The following MAP3K9 variants were observed in gnomAD, a reference collection of about 807,000 sequenced individuals.
MAP3K9 encodes mitogen-activated protein kinase kinase kinase 9.
MAP3K9 carries 46 observed loss-of-function variants against 95.8 expected under a neutral mutation model. That is an observed-to-expected ratio of 0.48 (90% CI 0.38 to 0.61). MAP3K9 has a LOEUF of 0.61. Among genes scored for constraint, MAP3K9 ranks in the 20% least tolerant of loss-of-function variants. The probability of loss-of-function intolerance (pLI) is 0.00; values close to 1 mark genes in which losing one functional copy is unlikely to be tolerated. For missense variants in MAP3K9, 1,296 were observed against 1,474.3 expected (o/e 0.88, Z 1.98); for synonymous variants, 533 against 593.8 (o/e 0.90, Z 1.49).
chr14:70,779,147 A>G (rs1030573666), intron 2 of MAP3K9, among the ~76,000 whole-genome samples: 65 of 152,208 alleles, frequency 4.3e-4, no homozygotes, highest in African/African-American at 1.4e-3. Flanking sequence ...CATGAGGTAG[A>G]AAGGGAGAAG....
intron 2 of MAP3K9, among the ~76,000 whole-genome samples, chr14:70,790,413 A>C (rs2054794440): frequency 6.6e-6 from 1 of 152,130 alleles, no homozygotes; most frequent in African/African-American, 2.4e-5. Flanking sequence ...ACCTGTCCAA[A>C]CCCCTCATTT....
chr14:70,793,928 A>G (rs2054834244), intron 2 of MAP3K9, among the ~76,000 whole-genome samples: 1 of 152,208 alleles, frequency 6.6e-6, no homozygotes, highest in East Asian at 1.9e-4. Flanking sequence ...TTGAACTTGC[A>G]GCCATTAGAC....
In MAP3K9 at chr14:70,737,140, T is replaced by C. The variant is rs532478451; in HGVS notation, c.1844+1105A>G. Among the ~76,000 whole-genome samples, 69 of 152,314 alleles carry C rather than the reference T, an allele frequency of 4.5e-4. 1 individual carries two copies. Among genetic ancestry groups the C allele is most frequent in the African/African-American group, 1.7e-3 (69 of 41,574 alleles). On this transcript the variant is annotated intron_variant, in intron 8 of 11. Transcript: ENST00000554752. ...AACATCAAGAAACACTGTGCTAGCT[T>C]CTAACACCAAGAATATGAAGTATAA...
At position 70,736,062 on chromosome 14, in the gene MAP3K9, A is replaced by G. The variant is rs2053982550; in HGVS notation, c.1845-33T>C. ...GAATAAAGAGAATCAGTAGCAGGCA[A>G]TGGAGGGCACATCCAGCTCAGCCTC... On this transcript the variant is annotated intron_variant, in intron 8 of 11. Coordinates refer to ENST00000554752, the MANE Select transcript of MAP3K9 (RefSeq NM_001284230.2). The G allele has an allele frequency of 2.1e-6, 3 of 1,447,850 alleles. No individual in the cohort carries two copies. In the African/African-American group the frequency reaches 4.2e-5, roughly 20 times the overall value. 89.7% of individuals were successfully genotyped at this position (1,447,850 alleles called of 1,614,324 possible). A position where few individuals can be genotyped will look rare whatever the true frequency, so the allele number is the denominator to read the frequency against.
At chr14:70,788,773 A>G (rs1462878326) in intron 2 of MAP3K9, among the ~76,000 whole-genome samples, 2 of 152,208 alleles carry the variant, frequency 1.3e-5, no homozygotes, top group Non-Finnish European at 2.9e-5. Context: ...CCAGATTTAG[A>G]GAGTAGCTGT....
Position 70,725,617 on chromosome 14 carries a change from T to C in MAP3K9, c.*4763A>G, listed in dbSNP as rs564931393. On this transcript the variant is annotated 3_prime_UTR_variant, in exon 12 of 12. Transcript: ENST00000554752. ...GAAATAGCAATGGATTTTCCTTTCA[T>C]ATGTGAATTTTCATTAATTTGAATT... The C allele has an allele frequency of 1.3e-5, 2 of 152,304 alleles. No individual in the cohort carries two copies. The highest frequency in any genetic ancestry group is 3.9e-4 in the East Asian group (2 of 5,192). The allele number at this position is 152,304 out of a possible 1,614,324, so 9.4% of individuals were successfully genotyped here.
intron 7 of MAP3K9, among the ~76,000 whole-genome samples, chr14:70,738,818 TGAG>T (rs1385762220): frequency 6.6e-6 from 1 of 151,158 alleles, no homozygotes; most frequent in Non-Finnish European, 1.5e-5. Flanking sequence ...GGGAAGAAAA[TGAG>T]GAGTTCAAGG....
chr14:70,784,134 C>A (rs1438995037), intron 2 of MAP3K9, among the ~76,000 whole-genome samples: 1 of 151,596 alleles, frequency 6.6e-6, no homozygotes, highest in African/African-American at 2.4e-5. Flanking sequence ...AAATACAAAA[C>A]TAGCTGGGCA....
At chr14:70,800,241 G>A (rs904655444) in intron 2 of MAP3K9, among the ~76,000 whole-genome samples, 13 of 152,112 alleles carry the variant, frequency 8.5e-5, no homozygotes, top group African/African-American at 3.1e-4. Flanking sequence ...CTTCTGTGAT[G>A]GGTATCTCAA....
At chr14:70,739,977 G>C in intron 7 of MAP3K9, 65 bp downstream of exon 7, 1 of 1,614,194 alleles carries the variant, frequency 6.2e-7, no homozygotes, top group Non-Finnish European at 8.5e-7. Context: ...GTCGGTGGCT[G>C]GACAGAGCAG....
intron 10 of MAP3K9, 85 bp from the exon 11 acceptor site, chr14:70,733,427 A>T: frequency 1.5e-6 from 1 of 645,474 alleles, no homozygotes; most frequent in South Asian, 2.0e-5. Context: ...CCCTCACCCC[A>T]GGCCTCCTGT....
intron 1 of MAP3K9, among the ~76,000 whole-genome samples, chr14:70,803,276 A>C (rs1705509735): frequency 6.7e-6 from 1 of 149,442 alleles, no homozygotes; most frequent in African/African-American, 2.5e-5. Context: ...GTATTCCTTC[A>C]TAGCAATGCA....
intron 3 of MAP3K9, among the ~76,000 whole-genome samples, chr14:70,753,477 T>C (rs188229454): frequency 6.6e-6 from 1 of 152,316 alleles, no homozygotes; most frequent in East Asian, 1.9e-4. Context: ...ACTGGAGAAA[T>C]TCAAGAGAAA....
intron 9 of MAP3K9, among the ~76,000 whole-genome samples, chr14:70,735,412 A>G (rs1407686731): frequency 2.7e-5 from 4 of 149,824 alleles, no homozygotes; most frequent in East Asian, 2.0e-4. Context: ...TCAACTAAAG[A>G]CCACTTTCCC....
chr14:70,809,383 A>T lies in MAP3K9; in HGVS notation c.-212T>A. On this transcript the variant is annotated 5_prime_UTR_variant, in exon 1 of 12. Coordinates refer to ENST00000554752, the MANE Select transcript of MAP3K9 (RefSeq NM_001284230.2). The stretch of plus-strand genomic sequence containing the variant: ...CGAGCGCGAGCTCTTCGCGCAGCCT[A>T]GGGGCGCAGCGGGCCGAGTCCCCGC... The T allele has an allele frequency of 3.8e-6, 2 of 533,264 alleles. No individual in the cohort carries two copies. Among genetic ancestry groups the T allele is most frequent in the Non-Finnish European group, 5.6e-6 (2 of 355,592 alleles). The allele number at this position is 533,264 out of a possible 1,614,324, so 33.0% of individuals were successfully genotyped here.
At chr14:70,790,900 C>A (rs1422622023) in intron 2 of MAP3K9, among the ~76,000 whole-genome samples, 1 of 152,060 alleles carries the variant, frequency 6.6e-6, no homozygotes, top group African/African-American at 2.4e-5. Context: ...AGGTGAAGAA[C>A]CAGGTTAAGG....
Position 70,730,682 on chromosome 14 carries a change from C to A in MAP3K9, c.3013G>T (p.Asp1005Tyr). The change falls in exon 12 of 12, where the codon GAC becomes TAC. Residue 1005 changes from aspartate (D) to tyrosine (Y), a missense_variant. Physicochemically the swap from Asp to Tyr is radical, Grantham distance 160. Around this residue, in one of 5 missense-constraint regions of MAP3K9, gnomAD observed 433 missense variants for 441.4 expected, o/e 0.98. Coordinates refer to ENST00000554752, the MANE Select transcript of MAP3K9 (RefSeq NM_001284230.2). Reference protein sequence around the residue: ...PRPSANRQRLDPWWFVSPSHA... With the variant: ...PRPSANRQRLYPWWFVSPSHA... ...CTGGGGGACACAAACCACCAAGGGT[C>A]CAGCCGTTGCCGGTTGGCAGAAGGA... The A allele has an allele frequency of 6.2e-7, 1 of 1,613,764 alleles. No homozygotes were observed. Among genetic ancestry groups the A allele is most frequent in the Non-Finnish European group, 8.5e-7 (1 of 1,180,032 alleles).
chr14:70,776,530 C>T (rs1000302504), intron 2 of MAP3K9, among the ~76,000 whole-genome samples: 1 of 152,234 alleles, frequency 6.6e-6, no homozygotes, highest in South Asian at 2.1e-4. Flanking sequence ...TGAGGAAGGT[C>T]AGTGGGAGAG....
chr14:70,806,391 T>G (rs1018901267), intron 1 of MAP3K9, among the ~76,000 whole-genome samples: 3 of 152,360 alleles, frequency 2.0e-5, no homozygotes, highest in East Asian at 1.9e-4. Context: ...ACTCAATAAT[T>G]AGTTTTTGAC....
Sources: allele counts gnomAD v4.1 joint callset (sites outside exome capture counted in the v4.1 genomes callset), GRCh38; gene constraint gnomAD v4.1.1; regional missense constraint gnomAD v4.1.1; transcripts MANE v1.5; gene names NCBI Gene and HGNC (gene_info 2026-07-23, HGNC 2026-07-21).